ANKRD60: variants seen among roughly 807,000 people sequenced by gnomAD.
ANKRD60 encodes the protein ankyrin repeat domain-containing protein 60.
In ANKRD60, 24 loss-of-function variants were observed where a neutral mutation model predicts 21.3. The observed-to-expected ratio is 1.13, with a 90% CI of 0.82 to 1.59. The LOEUF is 1.59. Among genes scored for constraint, ANKRD60 ranks in the 40% most tolerant of loss-of-function variants. The pLI is 0.00. For missense variants in ANKRD60, 490 were observed against 466.7 expected, an observed-to-expected ratio of 1.05 and a Z score of -0.46; for synonymous variants, 182 against 199.4, an observed-to-expected ratio of 0.91 and a Z score of 0.74.
downstream of ANKRD60, among the ~76,000 whole-genome samples, chr20:58,217,836 AGCCT>A (rs1391880894): frequency 6.6e-6 from 1 of 152,208 alleles, no homozygotes; most frequent in Admixed American, 6.5e-5. Flanking sequence ...AAATGTGACC[AGCCT>A]GATTCTCATC....
At chr20:58,221,583 G>A in intron 2 of ANKRD60, 80 bp from the exon 3 acceptor site, 38 of 1,439,904 alleles carry the variant, frequency 2.6e-5, no homozygotes, top group Non-Finnish European at 3.6e-5. Context: ...GCATGCTCAG[G>A]GGAAGGCTTG....
chr20:58,226,319 G>GT (rs1340280371), intron 1 of ANKRD60, among the ~76,000 whole-genome samples: 1 of 152,122 alleles, frequency 6.6e-6, no homozygotes, highest in African/African-American at 2.4e-5. Flanking sequence ...GGCAGGACTT[G>GT]TTTTGGGATG....
chr20:58,217,843 T>C (rs1302305658), downstream of ANKRD60, among the ~76,000 whole-genome samples: 3 of 152,142 alleles, frequency 2.0e-5, no homozygotes, highest in East Asian at 3.8e-4. Context: ...ACCAGCCTGA[T>C]TCTCATCTTC....
exon 2 of ANKRD60, chr20:58,223,145 A>G (rs1435870990): frequency 3.9e-6 from 6 of 1,551,414 alleles, no homozygotes; most frequent in Non-Finnish European, 5.2e-6. Flanking sequence ...CAGGAACAAC[A>G]TCATGGAACT....
intron 1 of ANKRD60, among the ~76,000 whole-genome samples, chr20:58,226,339 G>A (rs753008856): frequency 1.3e-5 from 2 of 152,098 alleles, no homozygotes; most frequent in Non-Finnish European, 2.9e-5. Context: ...GTGGGGATCT[G>A]ATGTAGCCCC....
intron 1 of ANKRD60, among the ~76,000 whole-genome samples, chr20:58,223,661 TG>T (rs1009361379): frequency 2.0e-5 from 3 of 152,140 alleles, no homozygotes; most frequent in African/African-American, 7.2e-5. Flanking sequence ...AATTGAAGCG[TG>T]GGAGGGATTT....
chr20:58,224,031 G>C (rs910067994), intron 1 of ANKRD60, among the ~76,000 whole-genome samples: 2 of 151,984 alleles, frequency 1.3e-5, no homozygotes, highest in Non-Finnish European at 2.9e-5. Flanking sequence ...GAGCCTAGGA[G>C]ACAGAGGTTG....
chr20:58,222,972 G>T, intron 2 of ANKRD60, 80 bp downstream of exon 2: 3 of 1,439,284 alleles, frequency 2.1e-6, no homozygotes, highest in Non-Finnish European at 1.9e-6. Flanking sequence ...TCACATATCC[G>T]TATTAAAGAC....
At chr20:58,220,683 A>AGTGTGTGT (rs36015489) in intron 3 of ANKRD60, among the ~76,000 whole-genome samples, 141 of 148,494 alleles carry the variant, frequency 9.5e-4, no homozygotes, top group East Asian at 3.6e-3. Context: ...GGTTTTTTCT[A>AGTGTGTGT]GTGTGTGTGT....
Position 58,228,607 on chromosome 20 carries a change from G to T in ANKRD60, c.47C>A (p.Ala16Glu). ...TGGCCCCGCCGCCCGCGCTCCGCCC[G>T]CCCCCGCCGCCGCCCGCCGCATCCC... is the stretch of plus-strand genomic sequence containing the variant. The change falls in exon 1 of 4, where the codon GCG (alanine) becomes GAG (glutamate). Residue 16 changes from alanine (A) to glutamate (E), a missense_variant. Transcript: ENST00000457363. The surrounding 1 kb of genome is among the most constrained non-coding windows in gnomAD (Gnocchi z 5.3). The T allele has an allele frequency of 2.0e-6, 2 of 1,000,420 alleles. No individual in the cohort carries two copies. The highest frequency in any genetic ancestry group is 2.4e-6 in the Non-Finnish European group (2 of 834,770). 62.0% of individuals were successfully genotyped at this position (1,000,420 alleles called of 1,614,324 possible).
chr20:58,226,829 A>T (rs77440743), intron 1 of ANKRD60, among the ~76,000 whole-genome samples: 3,701 of 152,034 alleles, frequency 0.024, 145 homozygotes, highest in African/African-American at 0.085. Flanking sequence ...TTTGGGGTCC[A>T]TATGTGGGCA....
At chr20:58,219,771 C>G (rs1984208823) in intron 3 of ANKRD60, among the ~76,000 whole-genome samples, 1 of 152,216 alleles carries the variant, frequency 6.6e-6, no homozygotes. Context: ...CACCTCCCCC[C>G]AGCAGCTGTC....
chr20:58,219,231 C>T (rs1207610780), intron 3 of ANKRD60, among the ~76,000 whole-genome samples: 2 of 152,194 alleles, frequency 1.3e-5, no homozygotes, highest in Non-Finnish European at 2.9e-5. Context: ...TTATTCTGGG[C>T]TAAATCTGAC....
chr20:58,228,329 C>G lies in ANKRD60; in HGVS notation c.325G>C (p.Val109Leu), dbSNP rs1186888140. 6.5e-7 allele frequency: 1 copy of G among 1,549,826 alleles called. No individual in the cohort carries two copies. The highest frequency in any genetic ancestry group is 1.2e-5 in the South Asian group (1 of 84,058). The change falls in exon 1 of 4, where the codon GTG becomes CTG. Residue 109 changes from valine (V) to leucine (L), a missense_variant. By Grantham distance (32) the Val-to-Leu change is conservative. Coordinates refer to ENST00000457363, the Ensembl canonical transcript of ANKRD60. This position sits in a 1 kb window ranked among gnomAD's most constrained non-coding sequence, Gnocchi z 5.3. ...GTCATGTCGCCGCGGCAGTTTGCCA[C>G]TCGGAACATCTCCCCCGTCTCCTCC...
chr20:58,216,299 G>A (rs986930820), downstream of ANKRD60, among the ~76,000 whole-genome samples: 3 of 152,218 alleles, frequency 2.0e-5, no homozygotes, highest in Non-Finnish European at 4.4e-5. Context: ...CCTGCCCAAT[G>A]TCTGGCCAAG....
downstream of ANKRD60, among the ~76,000 whole-genome samples, chr20:58,217,740 A>C (rs1313093793): frequency 6.6e-6 from 1 of 152,246 alleles, no homozygotes; most frequent in African/African-American, 2.4e-5. Flanking sequence ...AAAGGAAAGA[A>C]GGAAGGGCTA....
At chr20:58,223,715 T>C (rs1438422271) in intron 1 of ANKRD60, among the ~76,000 whole-genome samples, 1 of 152,224 alleles carries the variant, frequency 6.6e-6, no homozygotes, top group Non-Finnish European at 1.5e-5. Context: ...GGTAACTCCT[T>C]GTGGCAGGGG....
At chr20:58,220,010 C>T (rs1984213591) in intron 3 of ANKRD60, among the ~76,000 whole-genome samples, 1 of 152,174 alleles carries the variant, frequency 6.6e-6, no homozygotes, top group African/African-American at 2.4e-5. Flanking sequence ...TTTGTACACC[C>T]GATGCACGGC....
downstream of ANKRD60, among the ~76,000 whole-genome samples, chr20:58,218,158 A>AT (rs1377606694): frequency 6.6e-6 from 1 of 152,136 alleles, no homozygotes; most frequent in Non-Finnish European, 1.5e-5. Context: ...TATTACTCCT[A>AT]TTATGCCAGT....
Sources: gnomAD v4.1 joint callset for allele counts (sites outside exome capture counted in the v4.1 genomes callset) on GRCh38, gnomAD v4.1.1 for gene constraint, Gnocchi (gnomAD v3.1) non-coding constraint, MANE v1.5 for transcripts, NCBI Gene and HGNC (gene_info 2026-07-23, HGNC 2026-07-21) for gene names.